PBX1: variants seen among roughly 807,000 people sequenced by gnomAD.
PBX1 encodes the protein PBX homeobox 1, also known as pre-B-cell leukemia transcription factor 1.
Under a neutral mutation model 53.4 loss-of-function variants are expected in PBX1, and 6 were observed. That is an observed-to-expected ratio of 0.11 (90% confidence interval 0.06 to 0.22). The LOEUF is 0.22. Among genes scored for constraint, PBX1 ranks in the 10% least tolerant of loss-of-function variants. PBX1 has a pLI of 1.00. For missense variants in PBX1, 251 were observed against 551.4 expected (o/e 0.46, Z 5.46); for synonymous variants, 204 against 212.3 (o/e 0.96, Z 0.34).
intron 2 of PBX1, among the ~76,000 whole-genome samples, chr1:164,603,961 T>TTTTTTTTTTTTTA (rs1553214847): frequency 7.6e-6 from 1 of 132,032 alleles, no homozygotes; most frequent in African/African-American, 2.8e-5. Flanking sequence ...TTTTTTTTTT[T>TTTTTTTTTTTTTA]TAGAGATGAG....
At position 164,559,334 on chromosome 1, in the gene PBX1, T is replaced by TG. The variant is rs924542758; in HGVS notation, c.-483dup. 9.5e-5 allele frequency: 5 copies of TG among 52,776 alleles called. No homozygotes were observed. Among genetic ancestry groups the TG allele is most frequent in the Non-Finnish European group, 1.8e-4 (5 of 28,294 alleles). 3.3% of individuals were successfully genotyped at this position (52,776 alleles called of 1,614,324 possible). A position where few individuals can be genotyped will look rare whatever the true frequency, so the allele number is the denominator to read the frequency against. On this transcript the variant is annotated 5_prime_UTR_variant, in exon 1 of 9. Transcript: ENST00000420696. ...AGATCACTCTGGCCCGGAGTGGGGG[T>TG]GGGGGGCAGCGGGGGGTGGGGGGGG...
intron 2 of PBX1, among the ~76,000 whole-genome samples, chr1:164,704,887 A>G (rs1046139673): frequency 6.6e-6 from 1 of 152,196 alleles, no homozygotes; most frequent in Non-Finnish European, 1.5e-5. Context: ...GTGAAGTAAT[A>G]TATTGTTGCA....
chr1:164,694,207 A>G (rs1279071335), intron 2 of PBX1, among the ~76,000 whole-genome samples: 1 of 152,080 alleles, frequency 6.6e-6, no homozygotes, highest in African/African-American at 2.4e-5. Flanking sequence ...CAACCTTTCT[A>G]TTATAAAATT....
Position 164,789,622 on chromosome 1 carries a change from T to G in PBX1, c.266-2872T>G, listed in dbSNP as rs553767279. Among the ~76,000 whole-genome samples, 8 of 152,332 alleles carry G rather than the reference T, an allele frequency of 5.3e-5. No homozygotes were observed. In the South Asian group the frequency reaches 1.7e-3, roughly 32 times the overall value. On this transcript the variant is annotated intron_variant, in intron 2 of 8. Coordinates refer to ENST00000420696, the MANE Select transcript of PBX1 (RefSeq NM_002585.4). ...TTAACACTAGCCCTGGCAAGGCAAG[T>G]CCTGACCATTAATAGGACATCATTC... is the stretch of plus-strand genomic sequence containing the variant.
intron 2 of PBX1, among the ~76,000 whole-genome samples, chr1:164,710,405 T>C (rs1663686867): frequency 6.6e-6 from 1 of 152,096 alleles, no homozygotes; most frequent in East Asian, 1.9e-4. Context: ...CTGGTTTTTT[T>C]CTTTTTTTTC....
At chr1:164,781,642 C>A (rs779646332) in intron 2 of PBX1, among the ~76,000 whole-genome samples, 1 of 152,102 alleles carries the variant, frequency 6.6e-6, no homozygotes, top group African/African-American at 2.4e-5. Flanking sequence ...TATTCTCAGT[C>A]TAAACTCCTC....
At chr1:164,694,378 T>A (rs2102031581) in intron 2 of PBX1, among the ~76,000 whole-genome samples, 1 of 152,324 alleles carries the variant, frequency 6.6e-6, no homozygotes, top group African/African-American at 2.4e-5. Flanking sequence ...CCATCTGTGA[T>A]CTCACTGAGG....
At chr1:164,835,005 C>T (rs1176103351) in intron 8 of PBX1, among the ~76,000 whole-genome samples, 2 of 152,146 alleles carry the variant, frequency 1.3e-5, no homozygotes, top group African/African-American at 2.4e-5. Context: ...TAACTTTGTG[C>T]TCGTAGCCTT....
chr1:164,784,753 T>C (rs1471697343), intron 2 of PBX1, among the ~76,000 whole-genome samples: 1 of 152,194 alleles, frequency 6.6e-6, no homozygotes, highest in East Asian at 1.9e-4. Flanking sequence ...TAGTAAATGC[T>C]CAATAAATAT....
At chr1:164,749,798 C>T (rs1557983686) in intron 2 of PBX1, among the ~76,000 whole-genome samples, 1 of 152,076 alleles carries the variant, frequency 6.6e-6, no homozygotes. Flanking sequence ...AGATGATCCA[C>T]CCTGTCTGAT....
At chr1:164,774,812 T>C (rs1262290111) in intron 2 of PBX1, among the ~76,000 whole-genome samples, 1 of 152,122 alleles carries the variant, frequency 6.6e-6, no homozygotes, top group African/African-American at 2.4e-5. Flanking sequence ...TTTCTGTTCG[T>C]CCCCTGTAGG....
chr1:164,806,706 T>A (rs1669371711), intron 4 of PBX1, among the ~76,000 whole-genome samples: 1 of 152,184 alleles, frequency 6.6e-6, no homozygotes, highest in Non-Finnish European at 1.5e-5. Context: ...AATAATCATA[T>A]CTGCCTCAGT....
chr1:164,560,312 A>T (rs1652943321), intron 1 of PBX1: 1 of 399,118 alleles, frequency 2.5e-6, no homozygotes, highest in Admixed American at 4.4e-5. Context: ...CTGCCAACTG[A>T]TCCAAAAGCG....
At chr1:164,589,127 T>C (rs1271109569) in intron 2 of PBX1, among the ~76,000 whole-genome samples, 2 of 151,920 alleles carry the variant, frequency 1.3e-5, no homozygotes, top group East Asian at 1.9e-4. Context: ...AATCAAATGC[T>C]GAGGACCCAG....
chr1:164,744,034 T>C lies in PBX1; in HGVS notation c.266-48460T>C, dbSNP rs1167497790. The stretch of plus-strand genomic sequence containing the variant: ...TAACTAGAAGTCTGATGGGAACTTA[T>C]GGACACGATTGATTAGTCTTGATTA... On this transcript the variant is annotated intron_variant, in intron 2 of 8. Transcript: ENST00000420696. 4.6e-5 allele frequency among the ~76,000 whole-genome samples: 7 copies of C among 152,290 alleles called. No individual in the cohort carries two copies. In the East Asian group the frequency reaches 7.7e-4, roughly 17 times the overall value.
Position 164,848,083 on chromosome 1 carries a change from C to T in PBX1, c.*1407C>T. Reference sequence around the variant, plus strand: ...GAAAGAGTTGTATAAGAACGTGGCTCATGTGAACTTTTGCTAGCTTCATTT... The same window carrying T: ...GAAAGAGTTGTATAAGAACGTGGCTTATGTGAACTTTTGCTAGCTTCATTT... On this transcript the variant is annotated 3_prime_UTR_variant, in exon 9 of 9. Coordinates refer to ENST00000420696, the MANE Select transcript of PBX1 (RefSeq NM_002585.4). The T allele has an allele frequency of 1.9e-6, 2 of 1,052,434 alleles. No homozygotes were observed. The highest frequency in any genetic ancestry group is 2.3e-6 in the Non-Finnish European group (2 of 871,222). 65.2% of individuals were successfully genotyped at this position (1,052,434 alleles called of 1,614,324 possible).
chr1:164,641,664 GC>G (rs1485584255), intron 2 of PBX1: 1 of 152,188 alleles, frequency 6.6e-6, no homozygotes, highest in African/African-American at 2.4e-5. Flanking sequence ...TAACTTCAAG[GC>G]TAACGTGTCT....
chr1:164,628,371 C>T (rs939690976), intron 2 of PBX1, among the ~76,000 whole-genome samples: 13 of 152,112 alleles, frequency 8.5e-5, no homozygotes, highest in South Asian at 4.1e-4. Context: ...TCTCTTTCTC[C>T]GAGTCCGAAC....
chr1:164,855,804 C>T (rs377365800), downstream of PBX1, among the ~76,000 whole-genome samples: 4 of 152,202 alleles, frequency 2.6e-5, no homozygotes, highest in African/African-American at 9.7e-5. Flanking sequence ...CTTCCTATAT[C>T]CTGAGGGAAA....
Sources: gnomAD v4.1 joint callset for allele counts (sites outside exome capture counted in the v4.1 genomes callset) on GRCh38, gnomAD v4.1.1 for gene constraint, MANE v1.5 for transcripts, NCBI Gene and HGNC (gene_info 2026-07-23, HGNC 2026-07-21) for gene names.